The following TM4SF18 variants were observed in gnomAD, a reference collection of about 807,000 sequenced individuals.
TM4SF18 encodes the protein transmembrane 4 L six family member 18, also known as transmembrane 4 L6 family member 18.
TM4SF18 carries 22 observed loss-of-function variants against 23.8 expected under a neutral mutation model. The ratio of observed to expected loss-of-function variants is 0.92; its 90% confidence interval spans 0.66 to 1.32. The LOEUF (loss-of-function observed/expected upper bound fraction) is 1.32. TM4SF18 is among the 40% of genes most tolerant of loss of function. TM4SF18 has a pLI of 0.00. For missense variants in TM4SF18, 255 were observed against 240.3 expected (o/e 1.06, Z -0.41); for synonymous variants, 87 against 87.9 (o/e 0.99, Z 0.06).
rs532009935 is a variant in TM4SF18, at chr3:149,320,236, G to A, written c.*1242C>T. On this transcript the variant is annotated 3_prime_UTR_variant, in exon 6 of 6. Coordinates refer to ENST00000296059, the MANE Select transcript of TM4SF18 (RefSeq NM_138786.4). ...TGTGATGGAAGCAGTGCTCAGCAGG[G>A]TAACTACAGGAAGCAGAAAACCTGG... The A allele has an allele frequency of 1.3e-5, 2 of 152,290 alleles. No homozygotes were observed. The highest frequency in any genetic ancestry group is 1.3e-4 in the Admixed American group (2 of 15,278). The allele number at this position is 152,290 out of a possible 1,614,324, so 9.4% of individuals were successfully genotyped here. A position where few individuals can be genotyped will look rare whatever the true frequency, so the allele number is the denominator to read the frequency against.
chr3:149,328,486 G>A (rs1731007588), intron 3 of TM4SF18, among the ~76,000 whole-genome samples: 1 of 152,144 alleles, frequency 6.6e-6, no homozygotes. Flanking sequence ...ACCAAGAAAT[G>A]AATCAATTTT....
intron 3 of TM4SF18, 53 bp downstream of exon 3, chr3:149,330,277 G>C: frequency 3.2e-6 from 4 of 1,255,124 alleles, no homozygotes; most frequent in Non-Finnish European, 4.6e-6. Context: ...CTGAGTGAGA[G>C]GAAAGAAAGC....
rs769499918 is a variant in TM4SF18 at position 149,321,464 on chromosome 3, C to T, written c.*14G>A. ...ATGGCCATGTCTTGATAATGGAAAA[C>T]ATTTTGTCCTTATTCAAATGATTCC... is the stretch of plus-strand genomic sequence containing the variant. On this transcript the variant is annotated 3_prime_UTR_variant, in exon 6 of 6. Transcript: ENST00000296059. The T allele has an allele frequency of 2.5e-5, 39 of 1,564,672 alleles. No individual in the cohort carries two copies. Among genetic ancestry groups the T allele is most frequent in the Non-Finnish European group, 3.4e-5 (39 of 1,148,442 alleles).
Position 149,324,051 on chromosome 3 carries a change from A to C in TM4SF18, c.410+829T>G, listed in dbSNP as rs563583330. Among the ~76,000 whole-genome samples the C allele has an allele frequency of 2.6e-5, 4 of 152,266 alleles. No individual in the cohort carries two copies. The South Asian group carries it at 6.2e-4, about 24-fold the overall frequency. ...TTGAACAATAAAGCTAATCATGGAG[A>C]GTTGAGAAGAAAATTTAACTTCCCC... On this transcript the variant is annotated intron_variant, in intron 4 of 5. Coordinates refer to ENST00000296059, the MANE Select transcript of TM4SF18 (RefSeq NM_138786.4).
rs765161971 is a variant in TM4SF18, at chr3:149,333,207, A to G, written c.176T>C (p.Met59Thr). The G allele has an allele frequency of 3.7e-6, 6 of 1,610,130 alleles. No individual in the cohort carries two copies. The African/African-American group carries it at 4.0e-5, about 11-fold the overall frequency. The change falls in exon 2 of 6, where the codon ATG (methionine) becomes ACG (threonine). Residue 59 changes from methionine to threonine, a missense_variant and splice_region_variant. Transcript: ENST00000296059. ...YFEGICFSGIMMLIVTTVLLV... is the reference protein window; with the variant it reads ...YFEGICFSGITMLIVTTVLLV... ...CCAAGTCTCCAAATTCATACTTACC[A>G]TGATGCCTGAGAAACAGATTCCTTC...
chr3:149,332,777 C>T (rs1731113581), intron 2 of TM4SF18, among the ~76,000 whole-genome samples: 1 of 152,290 alleles, frequency 6.6e-6, no homozygotes, highest in Middle Eastern at 3.4e-3. Flanking sequence ...GATTTACATG[C>T]AGGTTTGTCT....
Position 149,330,410 on chromosome 3 carries a change from C to G in TM4SF18, c.187G>C (p.Val63Leu), listed in dbSNP as rs1355012981. 6.3e-7 allele frequency: 1 copy of G among 1,590,702 alleles called. No individual in the cohort carries two copies. Among genetic ancestry groups the G allele is most frequent in the East Asian group, 2.3e-5 (1 of 44,404 alleles). ...ICFSGIMMLI[V>L]TTVLLVLENN... ...TCCAGTACCAGAAGAACTGTTGTTACTATAAGCATCTATAGGAGGGAAGAC... is the reference window on the plus strand; with the variant it reads ...TCCAGTACCAGAAGAACTGTTGTTAGTATAAGCATCTATAGGAGGGAAGAC... The change falls in exon 3 of 6, where the codon GTA becomes CTA. Residue 63 changes from valine (V) to leucine (L), a missense_variant. Val to Leu is a conservative substitution (Grantham distance 32). Transcript: ENST00000296059.
chr3:149,321,410 T>C lies in TM4SF18; in HGVS notation c.*68A>G. 1 of 1,249,800 alleles carries C rather than the reference T, an allele frequency of 8.0e-7. No homozygotes were observed. 77.4% of individuals were successfully genotyped at this position (1,249,800 alleles called of 1,614,324 possible). On this transcript the variant is annotated 3_prime_UTR_variant, in exon 6 of 6. Transcript: ENST00000296059. The stretch of plus-strand genomic sequence containing the variant: ...CCATCATTTCAATATTGCCCTCAAG[T>C]CTACACAGTTGATATAATATTTAGA...
chr3:149,321,257 G>C lies in TM4SF18; in HGVS notation c.*221C>G. ...TTGGAAATGGATTTGTTTGATCAAA[G>C]GGCAGAAGTATTTCTGAAGTTTCTG... is the stretch of plus-strand genomic sequence containing the variant. On this transcript the variant is annotated 3_prime_UTR_variant, in exon 6 of 6. Transcript: ENST00000296059. 1.3e-5 allele frequency: 5 copies of C among 389,020 alleles called. No individual in the cohort carries two copies. The highest frequency in any genetic ancestry group is 6.2e-4 in the Middle Eastern group (1 of 1,616). 24.1% of individuals were successfully genotyped at this position (389,020 alleles called of 1,614,324 possible).
chr3:149,324,698 A>C, intron 4 of TM4SF18, 182 bp downstream of exon 4: 1 of 714,978 alleles, frequency 1.4e-6, no homozygotes, highest in Non-Finnish European at 2.3e-6. Context: ...GAAGAAAAAA[A>C]TCTAAACAAA....
chr3:149,322,174 G>C (rs895119885), intron 5 of TM4SF18, 82 bp downstream of exon 5: 16 of 1,214,368 alleles, frequency 1.3e-5, no homozygotes, highest in Non-Finnish European at 1.6e-5. Context: ...TGGAATTCTA[G>C]AGTCTTTTCA....
chr3:149,333,478 C>CTG, intron 1 of TM4SF18, 35 bp downstream of exon 1: 1 of 438,450 alleles, frequency 2.3e-6, no homozygotes, highest in East Asian at 3.9e-5. Flanking sequence ...TTCTCTCTCT[C>CTG]TCTCTTTTTT....
chr3:149,325,077 G>C, intron 3 of TM4SF18, 55 bp from the exon 4 acceptor site: 1 of 1,562,480 alleles, frequency 6.4e-7, no homozygotes, highest in South Asian at 1.2e-5. Context: ...AGGGGATATT[G>C]TGGATAAATT....
At chr3:149,323,099 C>T (rs752046493) in intron 4 of TM4SF18, among the ~76,000 whole-genome samples, 18 of 151,992 alleles carry the variant, frequency 1.2e-4, no homozygotes, top group Non-Finnish European at 2.6e-4. Context: ...GGGGTTTCAC[C>T]GTGTGAGCCA....
chr3:149,321,378 G>A lies in TM4SF18; in HGVS notation c.*100C>T. On this transcript the variant is annotated 3_prime_UTR_variant, in exon 6 of 6. Coordinates refer to ENST00000296059, the MANE Select transcript of TM4SF18 (RefSeq NM_138786.4). ...TTTTTACAAATAAACACCAAATGCA[G>A]AAAGCACCATCATTTCAATATTGCC... The A allele has an allele frequency of 1.1e-6, 1 of 886,420 alleles. No homozygotes were observed. 54.9% of individuals were successfully genotyped at this position (886,420 alleles called of 1,614,324 possible).
intron 3 of TM4SF18, among the ~76,000 whole-genome samples, chr3:149,326,951 T>C (rs1247167387): frequency 6.6e-6 from 1 of 152,086 alleles, no homozygotes; most frequent in African/African-American, 2.4e-5. Flanking sequence ...TTGTTGTTGT[T>C]GTTTTGTTGT....
intron 3 of TM4SF18, among the ~76,000 whole-genome samples, chr3:149,326,188 C>T (rs575052338): frequency 6.6e-6 from 1 of 152,220 alleles, no homozygotes; most frequent in African/African-American, 2.4e-5. Context: ...GACTACATCT[C>T]TTTAGTTTCC....
Position 149,319,570 on chromosome 3 carries a change from G to C in TM4SF18, c.*1908C>G, listed in dbSNP as rs934242483. ...CAGAGCTGCACTGATTTAGTCGGGG[G>C]TTTACTGAAATGATCAGCACAGTGA... On this transcript the variant is annotated 3_prime_UTR_variant, in exon 6 of 6. Coordinates refer to ENST00000296059, the MANE Select transcript of TM4SF18 (RefSeq NM_138786.4). The C allele has an allele frequency of 6.6e-6, 1 of 152,178 alleles. No homozygotes were observed. Among genetic ancestry groups the C allele is most frequent in the Non-Finnish European group, 1.5e-5 (1 of 68,044 alleles). The allele number at this position is 152,178 out of a possible 1,614,324, so 9.4% of individuals were successfully genotyped here.
rs184579779 is a variant in TM4SF18 at position 149,318,889 on chromosome 3, G to A, written c.*2589C>T. 2.3e-3 allele frequency: 357 copies of A among 152,050 alleles called. 2 individuals are homozygous for A. Among genetic ancestry groups the A allele is most frequent in the African/African-American group, 7.8e-3 (325 of 41,488 alleles). 9.4% of individuals were successfully genotyped at this position (152,050 alleles called of 1,614,324 possible). On this transcript the variant is annotated 3_prime_UTR_variant, in exon 6 of 6. Transcript: ENST00000296059. Reference sequence around the variant, plus strand: ...GGGCTCAAACTGCATACATATATTTGGTTTTTGAGTTTTTTTTCCTTTTTA... The same window carrying A: ...GGGCTCAAACTGCATACATATATTTAGTTTTTGAGTTTTTTTTCCTTTTTA...
Sources: gnomAD v4.1 joint callset for allele counts (sites outside exome capture counted in the v4.1 genomes callset) on GRCh38, gnomAD v4.1.1 for gene constraint, MANE v1.5 for transcripts, NCBI Gene and HGNC (gene_info 2026-07-23, HGNC 2026-07-21) for gene names.